Variants in SYT16 observed in about 807,000 individuals in gnomAD.
SYT16 encodes the protein synaptotagmin-16.
In SYT16, 42 loss-of-function variants were observed where a neutral mutation model predicts 61.4. The observed-to-expected ratio is 0.68, with a 90% CI of 0.53 to 0.89. The LOEUF is 0.89. SYT16 is among the 40% of genes least tolerant of loss of function. The pLI, the probability that SYT16 is intolerant of heterozygous loss-of-function variation, is 0.00. For missense variants in SYT16, 804 were observed against 807.3 expected (o/e 1.00, Z 0.05); for synonymous variants, 314 against 302.3 (o/e 1.04, Z -0.40).
At chr14:62,043,411 T>C (rs1026920316) in intron 3 of SYT16, among the ~76,000 whole-genome samples, 16 of 148,878 alleles carry the variant, frequency 1.1e-4, no homozygotes, top group Admixed American at 2.7e-4. Flanking sequence ...TTCTTTCTTT[T>C]TTTTTTTTTT....
chr14:61,873,478 G>T (rs567407732), intron 1 of SYT16, among the ~76,000 whole-genome samples: 7 of 151,972 alleles, frequency 4.6e-5, no homozygotes, highest in African/African-American at 1.7e-4. Flanking sequence ...CCCTTCCTTC[G>T]TACTTACTGC....
At chr14:61,824,000 A>T (rs1276798997) in intron 1 of SYT16, among the ~76,000 whole-genome samples, 1 of 152,232 alleles carries the variant, frequency 6.6e-6, no homozygotes, top group African/African-American at 2.4e-5. Flanking sequence ...CCCACTCTTT[A>T]TGAAGTCAGT....
intron 3 of SYT16, among the ~76,000 whole-genome samples, chr14:62,025,567 AGT>A (rs1358476024): frequency 6.6e-6 from 1 of 152,094 alleles, no homozygotes; most frequent in Non-Finnish European, 1.5e-5. Context: ...TTCTCTTGAC[AGT>A]GTGTTTTGCA....
At chr14:61,919,072 A>T (rs575983787) in intron 1 of SYT16, among the ~76,000 whole-genome samples, 1 of 152,266 alleles carries the variant, frequency 6.6e-6, no homozygotes, top group East Asian at 1.9e-4. Context: ...TTCCAATTCA[A>T]TTCATTAGGT....
rs1230674520 is a variant in SYT16 at position 62,107,253 on chromosome 14, G to A, written c.*6546G>A. 1 of 152,086 alleles carries A rather than the reference G, an allele frequency of 6.6e-6. No homozygotes were observed. The highest frequency in any genetic ancestry group is 6.6e-5 in the Admixed American group (1 of 15,244). The allele number at this position is 152,086 out of a possible 1,614,324, so 9.4% of individuals were successfully genotyped here. On this transcript the variant is annotated 3_prime_UTR_variant, in exon 8 of 8. Transcript: ENST00000683842. ...TTTCTAGTCCAGCCTGGGCAACATAGTGAGATCTTGTCTCTACAAAATACC... is the reference window on the plus strand; with the variant it reads ...TTTCTAGTCCAGCCTGGGCAACATAATGAGATCTTGTCTCTACAAAATACC...
At chr14:62,049,008 T>G (rs1420217064) in intron 3 of SYT16, among the ~76,000 whole-genome samples, 4 of 152,228 alleles carry the variant, frequency 2.6e-5, no homozygotes, top group Non-Finnish European at 5.9e-5. Context: ...GGTGCAGAGC[T>G]GAGTTCAATT....
intron 1 of SYT16, among the ~76,000 whole-genome samples, chr14:61,818,567 A>G (rs1279278507): frequency 6.6e-6 from 1 of 151,648 alleles, no homozygotes; most frequent in Non-Finnish European, 1.5e-5. Flanking sequence ...AATCCCAGCT[A>G]CTTGGGAGGC....
intron 3 of SYT16, among the ~76,000 whole-genome samples, chr14:62,060,342 A>T (rs1056799440): frequency 3.3e-5 from 5 of 152,030 alleles, no homozygotes; most frequent in African/African-American, 4.8e-5. Context: ...ATTTTTAAAA[A>T]ATTTCATTTG....
At chr14:62,001,251 T>C (rs1173340115) in intron 3 of SYT16, among the ~76,000 whole-genome samples, 1 of 152,158 alleles carries the variant, frequency 6.6e-6, no homozygotes, top group Non-Finnish European at 1.5e-5. Flanking sequence ...ATTTATTCAA[T>C]TTGAAGCATT....
rs576570781 is a variant in SYT16 at position 62,011,874 on chromosome 14, T to TACACAC, written c.523+15358_523+15363dup. Among the ~76,000 whole-genome samples the TACACAC allele has an allele frequency of 3.3e-3, 456 of 136,482 alleles. 10 individuals carry two copies. The highest frequency in any genetic ancestry group is 0.013 in the African/African-American group (411 of 32,626). 89.5% of individuals were successfully genotyped at this position (136,482 alleles called of 152,430 possible). On this transcript the variant is annotated intron_variant, in intron 3 of 7. Coordinates refer to ENST00000683842, the MANE Select transcript of SYT16 (RefSeq NM_001367656.1). ...ACCACAAGTCAGGGAACACTATATATACACACACACACACACACACACACA... is the reference window on the plus strand; with the variant it reads ...ACCACAAGTCAGGGAACACTATATATACACACACACACACACACACACACACACACA...
intron 7 of SYT16, among the ~76,000 whole-genome samples, chr14:62,096,030 C>T (rs2057262787): frequency 6.6e-6 from 1 of 151,718 alleles, no homozygotes; most frequent in Admixed American, 6.6e-5. Context: ...ATGAATAATC[C>T]TTCCCATATA....
intron 1 of SYT16, among the ~76,000 whole-genome samples, chr14:61,896,405 T>C (rs1385997081): frequency 6.6e-6 from 1 of 152,066 alleles, no homozygotes; most frequent in Non-Finnish European, 1.5e-5. Flanking sequence ...GTGGAAAGGG[T>C]TTTGGGAAGA....
intron 1 of SYT16, among the ~76,000 whole-genome samples, chr14:61,956,547 G>A (rs2050883797): frequency 6.6e-6 from 1 of 151,904 alleles, no homozygotes; most frequent in African/African-American, 2.4e-5. Flanking sequence ...TGAACCATTT[G>A]TGGAAAAGAC....
chr14:62,038,179 T>C (rs2784496), intron 3 of SYT16, among the ~76,000 whole-genome samples: 88,901 of 151,212 alleles, frequency 0.59, 26,508 homozygotes, highest in African/African-American at 0.67. Flanking sequence ...GCATCTCTGA[T>C]GGATTTTGCT....
chr14:61,973,663 C>G (rs2051659651), intron 2 of SYT16, among the ~76,000 whole-genome samples: 1 of 152,172 alleles, frequency 6.6e-6, no homozygotes, highest in East Asian at 1.9e-4. Flanking sequence ...TTTGCTGCCC[C>G]CTTCCAAAAA....
chr14:61,963,450 C>T (rs988040583), intron 1 of SYT16, among the ~76,000 whole-genome samples: 2 of 152,174 alleles, frequency 1.3e-5, no homozygotes, highest in Non-Finnish European at 2.9e-5. Flanking sequence ...GAAAATCAAA[C>T]CAGCTATAGC....
chr14:62,074,811 T>A (rs1319854606), intron 4 of SYT16, among the ~76,000 whole-genome samples: 2 of 152,230 alleles, frequency 1.3e-5, no homozygotes, highest in African/African-American at 4.8e-5. Context: ...TTTTTGCTTT[T>A]AGATCCATTG....
At chr14:61,980,546 CA>C (rs1566735186) in intron 2 of SYT16, among the ~76,000 whole-genome samples, 1 of 152,150 alleles carries the variant, frequency 6.6e-6, no homozygotes, top group African/African-American at 2.4e-5. Context: ...GTGCAAATTC[CA>C]AAAAACTCGG....
intron 1 of SYT16, among the ~76,000 whole-genome samples, chr14:61,944,449 A>G (rs2050337235): frequency 6.6e-6 from 1 of 152,222 alleles, no homozygotes; most frequent in Non-Finnish European, 1.5e-5. Flanking sequence ...AAAAAGAACA[A>G]AGCTGGAGGC....
Sources: allele counts gnomAD v4.1 joint callset (sites outside exome capture counted in the v4.1 genomes callset), GRCh38; gene constraint gnomAD v4.1.1; transcripts MANE v1.5; gene names NCBI Gene and HGNC (gene_info 2026-07-23, HGNC 2026-07-21).